Variants in NPAS3 observed in about 807,000 individuals in gnomAD.
NPAS3 encodes neuronal PAS domain protein 3.
In NPAS3, 14 loss-of-function variants were observed where a neutral mutation model predicts 73.1. That is an observed-to-expected ratio of 0.19 (90% CI 0.13 to 0.30). The LOEUF (loss-of-function observed/expected upper bound fraction) is 0.30, where lower values mean the gene tolerates loss of function less well. Among genes scored for constraint, NPAS3 ranks in the 10% least tolerant of loss-of-function variants. The pLI is 1.00. For synonymous variants in NPAS3, 620 were observed against 541.5 expected, an observed-to-expected ratio of 1.14 and a Z score of -2.01; for missense variants, 1,096 against 1,250.0, an observed-to-expected ratio of 0.88 and a Z score of 1.86.
chr14:33,374,298 A>G (rs1390137005), intron 4 of NPAS3, among the ~76,000 whole-genome samples: 6 of 152,160 alleles, frequency 3.9e-5, no homozygotes, highest in Non-Finnish European at 7.3e-5. Flanking sequence ...GCTGTTAAGG[A>G]TCAGATTTAG....
chr14:33,690,146 C>T (rs2060195044), intron 6 of NPAS3, among the ~76,000 whole-genome samples: 1 of 152,202 alleles, frequency 6.6e-6, no homozygotes, highest in Non-Finnish European at 1.5e-5. Context: ...CCCATGGCTC[C>T]TTTACTATCG....
chr14:32,945,535 CTGAA>C (rs2139092142), intron 1 of NPAS3, among the ~76,000 whole-genome samples: 2 of 152,266 alleles, frequency 1.3e-5, no homozygotes, highest in South Asian at 4.1e-4. Flanking sequence ...GTGATAGAGA[CTGAA>C]TTCAGGTTTG....
At chr14:33,758,960 C>T (rs1821608579) in intron 7 of NPAS3, among the ~76,000 whole-genome samples, 2 of 152,190 alleles carry the variant, frequency 1.3e-5, no homozygotes, top group African/African-American at 4.8e-5. Flanking sequence ...ATTGCATGAG[C>T]ATAACAATCA....
intron 5 of NPAS3, among the ~76,000 whole-genome samples, chr14:33,561,117 A>G (rs1284278860): frequency 6.6e-6 from 1 of 152,188 alleles, no homozygotes; most frequent in Non-Finnish European, 1.5e-5. Flanking sequence ...CAAGTTGGAT[A>G]ATCTACCGCT....
At position 33,266,776 on chromosome 14, in the gene NPAS3, A is replaced by G. The variant is rs557735898; in HGVS notation, c.385+51350A>G. ...GAAATCTCAAATATTTTTATAGAGC[A>G]CTGTTAATGGAATCTTGTATGGCTA... On this transcript the variant is annotated intron_variant, in intron 3 of 11. Transcript: ENST00000356141. Among the ~76,000 whole-genome samples, 8 of 152,156 alleles carry G rather than the reference A, an allele frequency of 5.3e-5. No individual in the cohort carries two copies. In the East Asian group the frequency reaches 1.5e-3, roughly 29 times the overall value.
chr14:33,737,826 ACAC>A (rs2061561065), intron 7 of NPAS3, among the ~76,000 whole-genome samples: 1 of 152,084 alleles, frequency 6.6e-6, no homozygotes. Context: ...CACACAATAA[ACAC>A]AAATAAAAAG....
intron 6 of NPAS3, among the ~76,000 whole-genome samples, chr14:33,708,421 G>A (rs944086): frequency 0.32 from 48,556 of 152,050 alleles, 8,269 homozygotes; most frequent in Admixed American, 0.51. Flanking sequence ...AGAGGCTATT[G>A]AGCCAAATTG....
chr14:33,323,435 A>G (rs1055752020), intron 3 of NPAS3, among the ~76,000 whole-genome samples: 1 of 152,376 alleles, frequency 6.6e-6, no homozygotes, highest in Non-Finnish European at 1.5e-5. Context: ...TATTCCAATC[A>G]GTCATTCCAA....
At chr14:33,269,294 A>G (rs2040963354) in intron 3 of NPAS3, among the ~76,000 whole-genome samples, 1 of 152,182 alleles carries the variant, frequency 6.6e-6, no homozygotes, top group Non-Finnish European at 1.5e-5. Flanking sequence ...CTAAGTTGGT[A>G]CCTTGTTGTC....
intron 6 of NPAS3, among the ~76,000 whole-genome samples, chr14:33,685,252 A>G (rs920533537): frequency 6.6e-6 from 1 of 152,184 alleles, no homozygotes; most frequent in African/African-American, 2.4e-5. Flanking sequence ...TCAGGACACT[A>G]TGGTGCGTAA....
chr14:33,536,403 T>A (rs1355988069), intron 4 of NPAS3, among the ~76,000 whole-genome samples: 1 of 152,144 alleles, frequency 6.6e-6, no homozygotes, highest in Admixed American at 6.6e-5. Flanking sequence ...AAGAATAGAG[T>A]CATAATTTAT....
intron 2 of NPAS3, among the ~76,000 whole-genome samples, chr14:33,186,873 G>A (rs1002178283): frequency 1.3e-5 from 2 of 152,084 alleles, no homozygotes; most frequent in Non-Finnish European, 1.5e-5. Flanking sequence ...AGCCATTTTT[G>A]GCTGCTACAA....
intron 4 of NPAS3, among the ~76,000 whole-genome samples, chr14:33,546,645 T>C (rs2054857796): frequency 6.6e-6 from 1 of 152,184 alleles, no homozygotes; most frequent in Admixed American, 6.6e-5. Flanking sequence ...GTTTTGAAAA[T>C]TTTAATTGTG....
At chr14:33,765,562 G>T (rs951890012) in intron 7 of NPAS3, among the ~76,000 whole-genome samples, 8 of 152,126 alleles carry the variant, frequency 5.3e-5, no homozygotes, top group Admixed American at 1.3e-4. Flanking sequence ...AATATGCCCT[G>T]ATCCCACATC....
chr14:33,407,109 A>C (rs2047701560), intron 4 of NPAS3, among the ~76,000 whole-genome samples: 1 of 152,108 alleles, frequency 6.6e-6, no homozygotes, highest in Non-Finnish European at 1.5e-5. Flanking sequence ...TGAACTCTTT[A>C]TTTCCGCTCA....
At chr14:32,987,502 C>T in intron 1 of NPAS3, among the ~76,000 whole-genome samples, 1 of 151,948 alleles carries the variant, frequency 6.6e-6, no homozygotes. Flanking sequence ...GACCTTTACA[C>T]AAGTTTTCTT....
intron 3 of NPAS3, among the ~76,000 whole-genome samples, chr14:33,251,664 T>G (rs768384286): frequency 1.3e-5 from 2 of 152,164 alleles, no homozygotes; most frequent in African/African-American, 2.4e-5. Context: ...AACAAAAACA[T>G]TATCTCAGAA....
intron 4 of NPAS3, among the ~76,000 whole-genome samples, chr14:33,453,397 C>T (rs955719585): frequency 2.6e-5 from 4 of 152,166 alleles, no homozygotes; most frequent in Admixed American, 6.5e-5. Context: ...CTGCATGTGT[C>T]ACTCACAAGC....
At position 33,159,553 on chromosome 14, in the gene NPAS3, C is replaced by CTTTTT. The variant is rs11389432; in HGVS notation, c.141-55615_141-55611dup. Reference sequence around the variant, plus strand: ...TAATTATAGTATTAATTATAATGAGCTTTTTTTTTTTTTTTTTTGAGATGG... The same window carrying CTTTTT: ...TAATTATAGTATTAATTATAATGAGCTTTTTTTTTTTTTTTTTTTTTTTGAGATGG... On this transcript the variant is annotated intron_variant, in intron 2 of 11. Coordinates refer to ENST00000356141, the Ensembl canonical transcript of NPAS3. 1.9e-4 allele frequency among the ~76,000 whole-genome samples: 23 copies of CTTTTT among 121,400 alleles called. 1 individual carries two copies. Among genetic ancestry groups the CTTTTT allele is most frequent in the South Asian group, 5.3e-4 (2 of 3,742 alleles). 79.6% of individuals were successfully genotyped at this position (121,400 alleles called of 152,430 possible).
Sources: gnomAD v4.1 joint callset for allele counts (sites outside exome capture counted in the v4.1 genomes callset) on GRCh38, gnomAD v4.1.1 for gene constraint, MANE v1.5 for transcripts, NCBI Gene and HGNC (gene_info 2026-07-23, HGNC 2026-07-21) for gene names.